Variants in RXRA observed in about 807,000 individuals in gnomAD.
RXRA encodes retinoic acid receptor RXR-alpha.
A neutral mutation model predicts 44.5 loss-of-function variants in RXRA; 5 were observed. That is an observed-to-expected ratio of 0.11 (90% CI 0.06 to 0.24). RXRA has a LOEUF of 0.24. Ranked by LOEUF, RXRA falls within the 10% of genes least tolerant of loss-of-function variation. The probability of loss-of-function intolerance (pLI) is 1.00; values close to 1 mark genes in which losing one functional copy is unlikely to be tolerated. For missense variants in RXRA, 412 were observed against 646.5 expected (o/e 0.64, Z 3.93); for synonymous variants, 291 against 271.4 (o/e 1.07, Z -0.71).
At chr9:134,338,257 G>A (rs1370658567) in intron 1 of RXRA, among the ~76,000 whole-genome samples, 3 of 152,230 alleles carry the variant, frequency 2.0e-5, no homozygotes, top group Non-Finnish European at 2.9e-5. Context: ...CACGGCCATC[G>A]CCAGGCATTC....
At chr9:134,398,168 T>C (rs1056325512) in intron 1 of RXRA, among the ~76,000 whole-genome samples, 1 of 152,060 alleles carries the variant, frequency 6.6e-6, no homozygotes, top group African/African-American at 2.4e-5. Context: ...TTGGTAGAGA[T>C]GGGGTTTTGC....
intron 1 of RXRA, among the ~76,000 whole-genome samples, chr9:134,398,333 G>T (rs1339991161): frequency 6.7e-6 from 1 of 150,024 alleles, no homozygotes; most frequent in East Asian, 2.0e-4. Context: ...CTTAATCAGG[G>T]GTGGGGACGG....
rs2119201348 is a variant in RXRA, at chr9:134,427,984, G to T, written c.911-1124G>T. On this transcript the variant is annotated intron_variant, in intron 6 of 9. Transcript: ENST00000481739. The stretch of plus-strand genomic sequence containing the variant: ...AAGAGCTGTTAAAACAGCAGTGCGT[G>T]TGTGCGCGAGGGTCCCTGACTGTGT... Among the ~76,000 whole-genome samples the T allele has an allele frequency of 2.0e-5, 3 of 152,298 alleles. No homozygotes were observed. The Middle Eastern group carries it at 0.01, about 518-fold the overall frequency.
intron 1 of RXRA, among the ~76,000 whole-genome samples, chr9:134,346,880 C>A (rs1055682114): frequency 6.6e-6 from 1 of 152,144 alleles, no homozygotes; most frequent in Non-Finnish European, 1.5e-5. Flanking sequence ...CTGGCTGGGA[C>A]CCCACCAGCG....
chr9:134,417,440 G>A lies in RXRA; in HGVS notation c.780+113G>A, dbSNP rs1831254270. 7.8e-7 allele frequency: 1 copy of A among 1,276,892 alleles called. No homozygotes were observed. Among genetic ancestry groups the A allele is most frequent in the Non-Finnish European group, 1.1e-6 (1 of 931,368 alleles). The allele number at this position is 1,276,892 out of a possible 1,614,324, so 79.1% of individuals were successfully genotyped here. On this transcript the variant is annotated intron_variant, in intron 5 of 9. Coordinates refer to ENST00000481739, the MANE Select transcript of RXRA (RefSeq NM_002957.6). This position sits in a 1 kb window ranked among gnomAD's most constrained non-coding sequence, Gnocchi z 6.1. ...CCAGAGAGGTCCTGGGGGCTGCCCTGGGCCCTGTGGCTGCCTCAGCTCGGC... is the reference window on the plus strand; with the variant it reads ...CCAGAGAGGTCCTGGGGGCTGCCCTAGGCCCTGTGGCTGCCTCAGCTCGGC...
intron 1 of RXRA, among the ~76,000 whole-genome samples, chr9:134,400,316 G>A (rs1830939421): frequency 6.6e-6 from 1 of 152,194 alleles, no homozygotes; most frequent in Non-Finnish European, 1.5e-5. Context: ...GCTGGGGAGG[G>A]GTGGAGCCAG....
intron 1 of RXRA, among the ~76,000 whole-genome samples, chr9:134,390,599 A>G (rs1588282161): frequency 1.3e-5 from 2 of 152,296 alleles, no homozygotes; most frequent in Admixed American, 6.5e-5. Context: ...GGACGTGCTG[A>G]GGCTGAGCTC....
intron 1 of RXRA, among the ~76,000 whole-genome samples, chr9:134,341,053 G>A (rs1467147649): frequency 6.6e-6 from 1 of 152,180 alleles, no homozygotes; most frequent in Non-Finnish European, 1.5e-5. Flanking sequence ...ACCTCTTGAC[G>A]GCCCACCTTG....
intron 7 of RXRA, among the ~76,000 whole-genome samples, chr9:134,431,228 G>A (rs557475927): frequency 2.0e-5 from 3 of 152,382 alleles, no homozygotes; most frequent in Admixed American, 1.3e-4. Flanking sequence ...AGGGGGCCCA[G>A]TACACTGCAG....
intron 1 of RXRA, among the ~76,000 whole-genome samples, chr9:134,352,709 T>C (rs1481218113): frequency 4.6e-5 from 7 of 152,098 alleles, no homozygotes; most frequent in Non-Finnish European, 8.8e-5. Context: ...TGGGACTATC[T>C]GGGGCGGGCA....
intron 1 of RXRA, among the ~76,000 whole-genome samples, chr9:134,332,795 G>T (rs925225126): frequency 6.6e-6 from 1 of 152,178 alleles, no homozygotes; most frequent in African/African-American, 2.4e-5. Flanking sequence ...GAAGGAGGAA[G>T]TGACTCTCTC....
intron 1 of RXRA, among the ~76,000 whole-genome samples, chr9:134,397,858 G>A (rs1274252582): frequency 1.3e-5 from 2 of 152,214 alleles, no homozygotes; most frequent in Non-Finnish European, 1.5e-5. Flanking sequence ...GCTGGCTCCC[G>A]GGTTGGGTCT....
At chr9:134,425,074 G>T in intron 6 of RXRA, 1 of 985,454 alleles carries the variant, frequency 1.0e-6, no homozygotes, top group Non-Finnish European at 1.2e-6. Flanking sequence ...GGCCATGCAG[G>T]TTCAAGGCCC....
intron 5 of RXRA, among the ~76,000 whole-genome samples, chr9:134,421,064 A>G (rs1369670542): frequency 6.6e-6 from 1 of 152,176 alleles, no homozygotes; most frequent in Non-Finnish European, 1.5e-5. Flanking sequence ...ACCCTGCTCC[A>G]GTGCTGCCCA....
chr9:134,364,373 G>C (rs1411718846), intron 1 of RXRA, among the ~76,000 whole-genome samples: 1 of 152,238 alleles, frequency 6.6e-6, no homozygotes, highest in African/African-American at 2.4e-5. Flanking sequence ...CCCCAGCATT[G>C]ATGGGCAGCT....
chr9:134,329,894 CAG>C (rs1159307715), intron 1 of RXRA, among the ~76,000 whole-genome samples: 4 of 152,108 alleles, frequency 2.6e-5, no homozygotes, highest in Non-Finnish European at 5.9e-5. Flanking sequence ...AGGGGGTACT[CAG>C]GGGTGTGCCC....
chr9:134,408,858 G>C, intron 3 of RXRA, 82 bp from the exon 4 acceptor site: 1 of 1,318,188 alleles, frequency 7.6e-7, no homozygotes, highest in Non-Finnish European at 1.0e-6. Flanking sequence ...CCCGCCAGCT[G>C]GTAGTGGCGG....
At chr9:134,406,553 G>T (rs1428105432) in intron 2 of RXRA, among the ~76,000 whole-genome samples, 1 of 152,204 alleles carries the variant, frequency 6.6e-6, no homozygotes. Context: ...CCGCCTCTGG[G>T]GCCTCCAGTG....
chr9:134,342,911 G>A lies in RXRA; in HGVS notation c.28+16252G>A, dbSNP rs879987866. ...TGAGTGATGTGGGTGGCATGACTGCGGATGCAGGCACGTGTGGGTGCTGGG... is the reference window on the plus strand; with the variant it reads ...TGAGTGATGTGGGTGGCATGACTGCAGATGCAGGCACGTGTGGGTGCTGGG... On this transcript the variant is annotated intron_variant, in intron 1 of 9. Coordinates refer to ENST00000481739, the MANE Select transcript of RXRA (RefSeq NM_002957.6). The surrounding 1 kb of genome is among the most constrained non-coding windows in gnomAD (Gnocchi z 4.4). Among the ~76,000 whole-genome samples, 3 of 152,196 alleles carry A rather than the reference G, an allele frequency of 2.0e-5. No individual in the cohort carries two copies. The highest frequency in any genetic ancestry group is 4.8e-5 in the African/African-American group (2 of 41,444).
Sources: allele counts gnomAD v4.1 joint callset (sites outside exome capture counted in the v4.1 genomes callset), GRCh38; gene constraint gnomAD v4.1.1; non-coding constraint Gnocchi (gnomAD v3.1); transcripts MANE v1.5; gene names NCBI Gene and HGNC (gene_info 2026-07-23, HGNC 2026-07-21).